The following P3H2 variants were observed in gnomAD, a reference collection of about 807,000 sequenced individuals.
The protein encoded by P3H2 is leprecan-like 1.
A neutral mutation model predicts 87.0 loss-of-function variants in P3H2; 80 were observed. That is an observed-to-expected ratio of 0.92 (90% CI 0.77 to 1.11). The LOEUF (loss-of-function observed/expected upper bound fraction) is 1.11. Ranked by LOEUF, P3H2 falls within the 50% of genes least tolerant of loss-of-function variation. The pLI is 0.00. For synonymous variants in P3H2, 367 were observed against 359.3 expected (o/e 1.02, Z -0.24); for missense variants, 1,001 against 923.9 (o/e 1.08, Z -1.08).
chr3:190,023,703 ATT>A (rs1451850859), intron 1 of P3H2, among the ~76,000 whole-genome samples: 1 of 152,168 alleles, frequency 6.6e-6, no homozygotes, highest in Non-Finnish European at 1.5e-5. Context: ...ATGAGAGTCT[ATT>A]TATCTATGTA....
Position 190,023,515 on chromosome 3 carries a change from C to A in P3H2, c.481-28073G>T, listed in dbSNP as rs1028122526. On this transcript the variant is annotated intron_variant, in intron 1 of 14. Coordinates refer to ENST00000319332, the MANE Select transcript of P3H2 (RefSeq NM_018192.4). The stretch of plus-strand genomic sequence containing the variant: ...GAAGTGCCGAGTGAAGCGGGTAGAG[C>A]CCCTTATAAAACCATCAGATCTTGT... Among the ~76,000 whole-genome samples, 8 of 152,240 alleles carry A rather than the reference C, an allele frequency of 5.3e-5. No individual in the cohort carries two copies. The South Asian group carries it at 6.2e-4, about 12-fold the overall frequency.
chr3:190,067,975 C>A (rs908854301), intron 1 of P3H2, among the ~76,000 whole-genome samples: 11 of 151,968 alleles, frequency 7.2e-5, no homozygotes, highest in Non-Finnish European at 1.6e-4. Flanking sequence ...GCTTCATCCA[C>A]AAATAGCATG....
intron 11 of P3H2, among the ~76,000 whole-genome samples, chr3:189,972,379 G>A (rs1023071195): frequency 1.3e-5 from 2 of 152,178 alleles, no homozygotes; most frequent in Admixed American, 6.5e-5. Flanking sequence ...CTTCCCAAGT[G>A]TAAAAGTCTA....
At chr3:190,006,997 T>C (rs1396123162) in intron 1 of P3H2, among the ~76,000 whole-genome samples, 1 of 152,192 alleles carries the variant, frequency 6.6e-6, no homozygotes, top group African/African-American at 2.4e-5. Context: ...TGTTTGTGAA[T>C]GTAGTCATAA....
At chr3:190,101,048 G>T (rs1160308077) in intron 1 of P3H2, among the ~76,000 whole-genome samples, 1 of 151,948 alleles carries the variant, frequency 6.6e-6, no homozygotes, top group Non-Finnish European at 1.5e-5. Flanking sequence ...ATTGCAGCTG[G>T]TTCGGGCCCC....
chr3:189,974,827 T>A, intron 8 of P3H2, 142 bp from the exon 9 acceptor site: 1 of 962,066 alleles, frequency 1.0e-6, no homozygotes, highest in Non-Finnish European at 1.6e-6. Context: ...AATTGCAAAT[T>A]AGGAAGCTTG....
intron 8 of P3H2, among the ~76,000 whole-genome samples, chr3:189,976,996 C>G (rs183693804): frequency 6.6e-6 from 1 of 152,274 alleles, no homozygotes; most frequent in South Asian, 2.1e-4. Context: ...AATATGTGAA[C>G]AGGCCTTATT....
At chr3:190,039,189 C>CAAA (rs3062148) in intron 1 of P3H2, among the ~76,000 whole-genome samples, 30,302 of 146,906 alleles carry the variant, frequency 0.21, 4,999 homozygotes, top group African/African-American at 0.46. Flanking sequence ...AACTCCATCT[C>CAAA]AAAAAAAAAA....
intron 1 of P3H2, among the ~76,000 whole-genome samples, chr3:190,062,696 G>A (rs1726370219): frequency 6.6e-6 from 1 of 151,856 alleles, no homozygotes; most frequent in African/African-American, 2.4e-5. Context: ...CATAACCTTG[G>A]GCAAGTTACT....
At chr3:190,011,616 C>T (rs1724590961) in intron 1 of P3H2, among the ~76,000 whole-genome samples, 1 of 152,106 alleles carries the variant, frequency 6.6e-6, no homozygotes, top group Admixed American at 6.5e-5. Context: ...TACCAGAGCA[C>T]CCGACAGAAA....
Position 190,034,990 on chromosome 3 carries a change from A to G in P3H2, c.481-39548T>C, listed in dbSNP as rs530521345. 2.2e-3 allele frequency among the ~76,000 whole-genome samples: 331 copies of G among 151,632 alleles called. 1 individual carries two copies. The highest frequency in any genetic ancestry group is 3.7e-3 in the Non-Finnish European group (250 of 67,920). On this transcript the variant is annotated intron_variant, in intron 1 of 14. Coordinates refer to ENST00000319332, the MANE Select transcript of P3H2 (RefSeq NM_018192.4). Reference sequence around the variant, plus strand: ...CGGCCTCCTGAGTCGCTGGGATTACAGGCATGTACCACCACACCCGACTAA... The same window carrying G: ...CGGCCTCCTGAGTCGCTGGGATTACGGGCATGTACCACCACACCCGACTAA...
intron 13 of P3H2, 150 bp downstream of exon 13, chr3:189,970,666 T>C (rs1334010251): frequency 3.2e-6 from 2 of 628,794 alleles, no homozygotes; most frequent in Non-Finnish European, 5.8e-6. Context: ...TTCTAACAGT[T>C]TATGATCTAT....
chr3:190,024,530 C>CAAAAAAAAAAAAAAAAAAAAAAA (rs71635314), intron 1 of P3H2, among the ~76,000 whole-genome samples: 1 of 52,954 alleles, frequency 1.9e-5, no homozygotes, highest in Admixed American at 2.5e-4. Context: ...GGTTCCCTCT[C>CAAAAAAAAAAAAAAAAAAAAAAA]AAAAAAAAAA....
chr3:190,119,493 C>T (rs750697057), intron 1 of P3H2, among the ~76,000 whole-genome samples: 3 of 152,130 alleles, frequency 2.0e-5, no homozygotes, highest in African/African-American at 4.8e-5. Flanking sequence ...AATATGCATA[C>T]TATACCTCCT....
rs987767327 is a variant in P3H2 at position 190,099,537 on chromosome 3, T to C, written c.480+20715A>G. ...TATCACATAGCAAGAAAGATTCTGT[T>C]GCTCTGGTTTAATTCACAATATTGT... is the stretch of plus-strand genomic sequence containing the variant. On this transcript the variant is annotated intron_variant, in intron 1 of 14. Transcript: ENST00000319332. 2.6e-3 allele frequency among the ~76,000 whole-genome samples: 401 copies of C among 152,346 alleles called. 8 individuals carry two copies. Among genetic ancestry groups the C allele is most frequent in the Non-Finnish European group, 4.3e-4 (29 of 68,042 alleles).
intron 1 of P3H2, among the ~76,000 whole-genome samples, chr3:190,016,572 T>C (rs192058166): frequency 1.3e-3 from 199 of 152,330 alleles, no homozygotes; most frequent in Non-Finnish European, 2.4e-3. Context: ...ATCTGGCATG[T>C]GATTTGTGAA....
intron 13 of P3H2, among the ~76,000 whole-genome samples, chr3:189,967,925 A>G (rs1723051133): frequency 6.6e-6 from 1 of 152,212 alleles, no homozygotes; most frequent in African/African-American, 2.4e-5. Flanking sequence ...AATGACAGAT[A>G]TGTTTCACTA....
Position 189,994,238 on chromosome 3 carries a change from CAA to C in P3H2, c.677_678del (p.Phe226Ter), listed in dbSNP as rs1305112886. The C allele has an allele frequency of 6.2e-7, 1 of 1,613,644 alleles. No individual in the cohort carries two copies. Among genetic ancestry groups the C allele is most frequent in the East Asian group, 2.2e-5 (1 of 44,886 alleles). ...TGTTCGAAGTGCCTGATAGCCATCTCAAAGTCATCAGCCTCATAATGTTTAAC... is the reference window on the plus strand; with the variant it reads ...TGTTCGAAGTGCCTGATAGCCATCTCAGTCATCAGCCTCATAATGTTTAAC... ...AGVKHYEADD[F>X]EMAIRHFEQA... On this transcript the variant is annotated frameshift_variant, in exon 3 of 15. Transcript: ENST00000319332. LOFTEE classifies it high-confidence loss of function.
At chr3:190,094,650 G>A in intron 1 of P3H2, among the ~76,000 whole-genome samples, 1 of 152,202 alleles carries the variant, frequency 6.6e-6, no homozygotes, top group East Asian at 1.9e-4. Context: ...GGGGTACTGG[G>A]TCTCTCTGAC....
Sources: gnomAD v4.1 joint callset for allele counts (sites outside exome capture counted in the v4.1 genomes callset) on GRCh38, gnomAD v4.1.1 for gene constraint, MANE v1.5 for transcripts, NCBI Gene and HGNC (gene_info 2026-07-23, HGNC 2026-07-21) for gene names.